The following ANK2 variants were observed in gnomAD, a reference collection of about 807,000 sequenced individuals.
The protein encoded by ANK2 is ankyrin-2.
A neutral mutation model predicts 360.5 loss-of-function variants in ANK2; 83 were observed. The ratio of observed to expected loss-of-function variants is 0.23; its 90% CI spans 0.19 to 0.28. The LOEUF (loss-of-function observed/expected upper bound fraction) is 0.28, where lower values mean the gene tolerates loss of function less well. Ranked by LOEUF, ANK2 falls within the 10% of genes least tolerant of loss-of-function variation. The pLI is 1.00. For synonymous variants in ANK2, 1,740 were observed against 1,759.5 expected (o/e 0.99, Z 0.28); for missense variants, 4,201 against 4,795.7 (o/e 0.88, Z 3.66).
intron 2 of ANK2, among the ~76,000 whole-genome samples, chr4:112,943,807 G>A (rs1044241651): frequency 6.6e-6 from 1 of 151,960 alleles, no homozygotes; most frequent in African/African-American, 2.4e-5. Flanking sequence ...TGGGGGAGAG[G>A]GTAAGGGTAG....
intron 4 of ANK2, among the ~76,000 whole-genome samples, chr4:113,225,449 A>C (rs2099206840): frequency 6.6e-6 from 1 of 152,176 alleles, no homozygotes; most frequent in Non-Finnish European, 1.5e-5. Context: ...TCTTATATTA[A>C]GATAAAAGTA....
chr4:112,824,426 T>G (rs1047153333), intron 1 of ANK2, among the ~76,000 whole-genome samples: 1 of 152,040 alleles, frequency 6.6e-6, no homozygotes, highest in African/African-American at 2.4e-5. Flanking sequence ...GGTCTTGAAC[T>G]CCTGGCTTCA....
At chr4:113,179,126 A>G (rs2098326507) in intron 2 of ANK2, among the ~76,000 whole-genome samples, 1 of 152,372 alleles carries the variant, frequency 6.6e-6, no homozygotes, top group South Asian at 2.1e-4. Flanking sequence ...CCAGGAAAGT[A>G]AAAGAGACAA....
chr4:113,250,264 T>C (rs1022425512), intron 10 of ANK2, among the ~76,000 whole-genome samples: 3 of 152,222 alleles, frequency 2.0e-5, no homozygotes, highest in African/African-American at 7.2e-5. Context: ...ATCTTTTTGC[T>C]CATCCAATCT....
chr4:113,095,410 G>T (rs748246640), intron 1 of ANK2, among the ~76,000 whole-genome samples: 10 of 152,060 alleles, frequency 6.6e-5, no homozygotes, highest in Non-Finnish European at 2.9e-5. Context: ...AGTAAAAATT[G>T]TTACACATAA....
chr4:113,218,272 T>C (rs362492), intron 4 of ANK2, among the ~76,000 whole-genome samples: 16,346 of 152,224 alleles, frequency 0.11, 1,032 homozygotes, highest in East Asian at 0.18. Context: ...TTCTGACGAC[T>C]GTTGAGAAAA....
intron 1 of ANK2, chr4:112,826,420 C>A: frequency 9.6e-7 from 1 of 1,037,162 alleles, no homozygotes; most frequent in Non-Finnish European, 1.5e-6. Context: ...CTTTCCCTAC[C>A]AGCAGTAACT....
chr4:113,093,541 T>C (rs927567081), intron 1 of ANK2, among the ~76,000 whole-genome samples: 1 of 152,150 alleles, frequency 6.6e-6, no homozygotes, highest in African/African-American at 2.4e-5. Flanking sequence ...AGTTTCACCA[T>C]GTTGGCCAGG....
the ANK2 span, among the ~76,000 whole-genome samples, chr4:112,734,241 C>T: frequency 1.3e-5 from 2 of 152,196 alleles, no homozygotes; most frequent in African/African-American, 4.8e-5. Flanking sequence ...TACTCACAGT[C>T]TCTCCTTAAG....
At chr4:112,752,782 C>T in the ANK2 span, among the ~76,000 whole-genome samples, 2 of 152,156 alleles carry the variant, frequency 1.3e-5, no homozygotes, top group African/African-American at 2.4e-5. Flanking sequence ...CCTCCTGTCT[C>T]AGCCTCCTGA....
chr4:113,024,644 CTG>C (rs1235489310), intron 2 of ANK2, among the ~76,000 whole-genome samples: 1 of 152,092 alleles, frequency 6.6e-6, no homozygotes. Flanking sequence ...TTTGTAATGA[CTG>C]TATAACTTGT....
At chr4:112,771,716 G>T in the ANK2 span, among the ~76,000 whole-genome samples, 2,708 of 152,104 alleles carry the variant, frequency 0.018, 94 homozygotes, top group African/African-American at 0.059. Flanking sequence ...CTCCTGAGTA[G>T]CTGGGACTAC....
chr4:113,333,630 A>AT (rs1418009748), intron 29 of ANK2, among the ~76,000 whole-genome samples: 1 of 152,244 alleles, frequency 6.6e-6, no homozygotes, highest in African/African-American at 2.4e-5. Flanking sequence ...TAAGATACTG[A>AT]TAAAAAGTGT....
chr4:113,323,775 C>G (rs2153883224), intron 26 of ANK2: 1 of 1,611,908 alleles, frequency 6.2e-7, no homozygotes, highest in Non-Finnish European at 8.5e-7. Flanking sequence ...CTCTCCATGT[C>G]TTGAACGTGA....
At chr4:112,871,579 C>T (rs2150265400) in intron 1 of ANK2, among the ~76,000 whole-genome samples, 1 of 152,268 alleles carries the variant, frequency 6.6e-6, no homozygotes, top group Admixed American at 6.5e-5. Flanking sequence ...TTCTTCTTTT[C>T]CAATCTGAAT....
intron 1 of ANK2, among the ~76,000 whole-genome samples, chr4:112,863,662 G>A (rs75858938): frequency 0.034 from 5,166 of 151,572 alleles, 122 homozygotes; most frequent in African/African-American, 0.057. Flanking sequence ...AGCCGGGACT[G>A]CAGGCGCCAG....
intron 1 of ANK2, among the ~76,000 whole-genome samples, chr4:113,147,477 T>G (rs1326400278): frequency 6.6e-6 from 1 of 152,236 alleles, no homozygotes; most frequent in Non-Finnish European, 1.5e-5. Flanking sequence ...AGTCATTTAA[T>G]AAAATCTTCT....
chr4:113,212,134 C>G (rs1017758553), intron 4 of ANK2, among the ~76,000 whole-genome samples: 1 of 152,188 alleles, frequency 6.6e-6, no homozygotes, highest in Non-Finnish European at 1.5e-5. Flanking sequence ...GTTTAGGTAA[C>G]TGCCTATGTA....
At chr4:112,972,230 G>T (rs920337791) in intron 2 of ANK2, among the ~76,000 whole-genome samples, 28 of 152,142 alleles carry the variant, frequency 1.8e-4, no homozygotes, top group Middle Eastern at 3.4e-3. Context: ...AGAATGTGCA[G>T]GTTTGTTACA....
Sources: gnomAD v4.1 joint callset for allele counts (sites outside exome capture counted in the v4.1 genomes callset) on GRCh38, gnomAD v4.1.1 for gene constraint, MANE v1.5 for transcripts, NCBI Gene and HGNC (gene_info 2026-07-23, HGNC 2026-07-21) for gene names.